Variants in SLC13A4 observed in about 807,000 individuals in gnomAD.
SLC13A4 encodes the protein solute carrier family 13 member 4, also known as Na(+)/sulfate cotransporter SUT-1.
Under a neutral mutation model 72.7 loss-of-function variants are expected in SLC13A4, and 28 were observed. That is an observed-to-expected ratio of 0.39 (90% CI 0.29 to 0.53). SLC13A4 has a LOEUF of 0.53. SLC13A4 is among the 20% of genes least tolerant of loss of function. SLC13A4 has a pLI of 0.78. For synonymous variants in SLC13A4, 312 were observed against 325.5 expected, an observed-to-expected ratio of 0.96 and a Z score of 0.45; for missense variants, 653 against 788.0, an observed-to-expected ratio of 0.83 and a Z score of 2.05.
chr7:135,691,412 T>G, intron 12 of SLC13A4, 87 bp from the exon 13 acceptor site: 3 of 1,098,392 alleles, frequency 2.7e-6, no homozygotes, highest in Non-Finnish European at 3.7e-6. Context: ...GTGGATGATT[T>G]GGGATACTGC....
chr7:135,716,872 T>C (rs1796444291), intron 2 of SLC13A4, among the ~76,000 whole-genome samples: 1 of 152,212 alleles, frequency 6.6e-6, no homozygotes, highest in African/African-American at 2.4e-5. Context: ...TGGCATATGG[T>C]AAACACTTGG....
intron 10 of SLC13A4, 128 bp from the exon 11 acceptor site, chr7:135,692,552 C>G: frequency 1.6e-6 from 1 of 638,210 alleles, no homozygotes; most frequent in Admixed American, 3.1e-5. Context: ...CACTGCCTAA[C>G]CACTATGAAT....
intron 2 of SLC13A4, among the ~76,000 whole-genome samples, chr7:135,711,862 A>G (rs559098706): frequency 4.0e-5 from 6 of 151,044 alleles, no homozygotes; most frequent in African/African-American, 1.5e-4. Context: ...AGTTTAAGCA[A>G]TTCTCCTGCC....
chr7:135,711,469 T>G (rs1054767560), intron 2 of SLC13A4, among the ~76,000 whole-genome samples: 1 of 152,210 alleles, frequency 6.6e-6, no homozygotes, highest in Non-Finnish European at 1.5e-5. Context: ...GCCGGCATTT[T>G]GCATGTTGCA....
intron 8 of SLC13A4, among the ~76,000 whole-genome samples, chr7:135,697,425 C>G (rs774959086): frequency 3.9e-5 from 6 of 152,092 alleles, no homozygotes; most frequent in Non-Finnish European, 8.8e-5. Flanking sequence ...CCTTTCTAAC[C>G]TTCCTGAGAC....
At chr7:135,712,177 TA>T (rs1796319443) in intron 2 of SLC13A4, among the ~76,000 whole-genome samples, 1 of 151,740 alleles carries the variant, frequency 6.6e-6, no homozygotes, top group African/African-American at 2.4e-5. Flanking sequence ...ACACTGGCCT[TA>T]AATGCCCAGG....
rs1164475044 is a variant in SLC13A4, at chr7:135,701,822, A to G, written c.634-62T>C. On this transcript the variant is annotated intron_variant, in intron 6 of 15. Coordinates refer to ENST00000682651, the MANE Select transcript of SLC13A4 (RefSeq NM_001318192.2). ...GAAGTGGTGAGCCAGGTGCCTCGAGAAGGACCACCTAGTCATCCCAGGGCC... is the reference window on the plus strand; with the variant it reads ...GAAGTGGTGAGCCAGGTGCCTCGAGGAGGACCACCTAGTCATCCCAGGGCC... 2.6e-6 allele frequency: 4 copies of G among 1,531,822 alleles called. No homozygotes were observed. In the Admixed American group the frequency reaches 6.9e-5, roughly 26 times the overall value. The allele number at this position is 1,531,822 out of a possible 1,614,324, so 94.9% of individuals were successfully genotyped here.
At chr7:135,695,971 G>A (rs965325201) in intron 8 of SLC13A4, among the ~76,000 whole-genome samples, 1 of 152,184 alleles carries the variant, frequency 6.6e-6, no homozygotes, top group African/African-American at 2.4e-5. Flanking sequence ...CCAGGACTTG[G>A]AATCTCCAAA....
intron 7 of SLC13A4, 54 bp downstream of exon 7, chr7:135,701,626 G>A (rs1247958698): frequency 1.9e-6 from 3 of 1,554,444 alleles, no homozygotes; most frequent in Middle Eastern, 1.7e-4. Context: ...CCCTTGGGAA[G>A]CAGTTCACAG....
chr7:135,707,860 TAAGCTGC>T, intron 3 of SLC13A4: 1 of 407,148 alleles, frequency 2.5e-6, no homozygotes, highest in Non-Finnish European at 4.4e-6. Flanking sequence ...CTATATGTTG[TAAGCTGC>T]TGCCCTTGCA....
chr7:135,697,728 C>T (rs892211012), intron 8 of SLC13A4, among the ~76,000 whole-genome samples: 3 of 152,186 alleles, frequency 2.0e-5, no homozygotes, highest in African/African-American at 7.2e-5. Context: ...TCTTGCCAAG[C>T]CCTGAAGATC....
At chr7:135,716,816 G>A (rs879890430) in intron 2 of SLC13A4, among the ~76,000 whole-genome samples, 5 of 152,130 alleles carry the variant, frequency 3.3e-5, no homozygotes, top group African/African-American at 9.7e-5. Flanking sequence ...GCACCTTCAC[G>A]GAGGATTAAG....
intron 11 of SLC13A4, chr7:135,691,881 C>T (rs944292049): frequency 3.0e-5 from 14 of 472,444 alleles, no homozygotes; most frequent in Non-Finnish European, 5.3e-5. Context: ...AATTTGTGAG[C>T]CCGTTAATTG....
chr7:135,708,023 G>A, intron 3 of SLC13A4, 91 bp downstream of exon 3: 2 of 1,489,106 alleles, frequency 1.3e-6, no homozygotes, highest in Middle Eastern at 3.6e-4. Flanking sequence ...AGCTGAAGTG[G>A]ACATCCCGCA....
chr7:135,725,419 G>A (rs959030182), intron 1 of SLC13A4, among the ~76,000 whole-genome samples: 15 of 152,208 alleles, frequency 9.9e-5, no homozygotes, highest in African/African-American at 3.6e-4. Context: ...GAAGGGCTTA[G>A]TTATGGATGC....
Position 135,727,501 on chromosome 7 carries a change from C to T in SLC13A4, c.-5G>A, listed in dbSNP as rs1788230736. On this transcript the variant is annotated 5_prime_UTR_variant, in exon 1 of 16. Transcript: ENST00000682651. ...CAGGCCCTGCAGCAGGCCCATCGCG[C>T]CTCTGTCCTCTCCAGCTCGTCCTTG... The T allele has an allele frequency of 2.6e-6, 4 of 1,549,366 alleles. No individual in the cohort carries two copies. The highest frequency in any genetic ancestry group is 3.5e-6 in the Non-Finnish European group (4 of 1,145,960).
chr7:135,714,158 T>C (rs1267757046), intron 2 of SLC13A4, among the ~76,000 whole-genome samples: 1 of 152,240 alleles, frequency 6.6e-6, no homozygotes, highest in Non-Finnish European at 1.5e-5. Flanking sequence ...TTGAGTCTTC[T>C]AAGATTTGGT....
intron 2 of SLC13A4, among the ~76,000 whole-genome samples, chr7:135,717,567 G>T (rs896357695): frequency 6.6e-6 from 1 of 152,202 alleles, no homozygotes; most frequent in Non-Finnish European, 1.5e-5. Context: ...CGGGTCAGGA[G>T]CCCTTCTGTC....
Position 135,695,504 on chromosome 7 carries a change from C to T in SLC13A4, c.900-17G>A. 6.2e-7 allele frequency: 1 copy of T among 1,612,130 alleles called. No individual in the cohort carries two copies. The highest frequency in any genetic ancestry group is 1.1e-5 in the South Asian group (1 of 90,808). ...GGATACTGGCTGGAGGGTAAAGAAC[C>T]AGGTCAGCAATTAGAAAGGGAGGGT... On this transcript the variant is annotated splice_polypyrimidine_tract_variant and intron_variant, in intron 8 of 15. Coordinates refer to ENST00000682651, the MANE Select transcript of SLC13A4 (RefSeq NM_001318192.2).
Sources: gnomAD v4.1 joint callset for allele counts (sites outside exome capture counted in the v4.1 genomes callset) on GRCh38, gnomAD v4.1.1 for gene constraint, MANE v1.5 for transcripts, NCBI Gene and HGNC (gene_info 2026-07-23, HGNC 2026-07-21) for gene names.